Variants in JADE3 observed in about 807,000 individuals in gnomAD.
JADE3 encodes jade family PHD finger 3.
JADE3 carries 2 observed loss-of-function variants against 50.1 expected under a neutral mutation model. The observed-to-expected ratio is 0.04, with a 90% CI of 0.02 to 0.13. The LOEUF is 0.13. JADE3 is among the 10% of genes least tolerant of loss of function. The pLI is 1.00. For synonymous variants in JADE3, 218 were observed against 232.9 expected (o/e 0.94, Z 0.58); for missense variants, 475 against 634.4 (o/e 0.75, Z 2.70).
intron 6 of JADE3, among the ~76,000 whole-genome samples, chrX:47,031,743 T>C (rs1267212279): frequency 1.8e-5 from 2 of 111,007 alleles, no homozygotes; most frequent in Non-Finnish European, 1.9e-5. Flanking sequence ...CACATGCCTG[T>C]GCTCCTAGGT....
intron 7 of JADE3, among the ~76,000 whole-genome samples, chrX:47,035,771 G>C (rs56174836): frequency 0.059 from 6,549 of 110,257 alleles, 468 homozygotes; most frequent in African/African-American, 0.2. Flanking sequence ...CGGGGTGGGG[G>C]GAATGAAAAT....
At chrX:46,951,375 T>G (rs1250397320) in intron 1 of JADE3, among the ~76,000 whole-genome samples, 1 of 94,809 alleles carries the variant, frequency 1.1e-5, no homozygotes, top group Non-Finnish European at 2.1e-5. Flanking sequence ...TCACTTGAGG[T>G]CAGGAGTTCG....
chrX:47,005,221 A>T (rs1928385841), intron 4 of JADE3, among the ~76,000 whole-genome samples: 1 of 111,737 alleles, frequency 8.9e-6, no homozygotes, highest in Non-Finnish European at 1.9e-5. Flanking sequence ...GGGACCGCCT[A>T]TCAGACAGGA....
intron 1 of JADE3, among the ~76,000 whole-genome samples, chrX:46,913,507 A>G (rs1315854282): frequency 9.0e-6 from 1 of 111,081 alleles, no homozygotes; most frequent in Non-Finnish European, 1.9e-5. Context: ...ACTTTTCTCC[A>G]GCTTTCGAGT....
chrX:46,995,440 A>G (rs891827391), intron 3 of JADE3, among the ~76,000 whole-genome samples: 6 of 111,440 alleles, frequency 5.4e-5, no homozygotes, highest in African/African-American at 1.6e-4. Context: ...TAACTTTTCT[A>G]TAAGTCTCTC....
At chrX:46,959,509 A>G (rs1166614424) in intron 1 of JADE3, among the ~76,000 whole-genome samples, 1 of 111,720 alleles carries the variant, frequency 9.0e-6, no homozygotes, top group Non-Finnish European at 1.9e-5. Context: ...TTGAAGTGTC[A>G]ATGTGTAAGG....
At chrX:46,983,477 A>C (rs1039491740) in intron 1 of JADE3, among the ~76,000 whole-genome samples, 1 of 111,219 alleles carries the variant, frequency 9.0e-6, no homozygotes, top group Non-Finnish European at 1.9e-5. Flanking sequence ...AGGTGGAAGA[A>C]GGGAGCCCCC....
intron 4 of JADE3, among the ~76,000 whole-genome samples, chrX:47,000,542 G>A (rs1928256639): frequency 9.0e-6 from 1 of 111,362 alleles, no homozygotes; most frequent in Admixed American, 9.6e-5. Flanking sequence ...TTTAAGAACA[G>A]TAATTTATTT....
intron 1 of JADE3, among the ~76,000 whole-genome samples, chrX:46,941,166 A>G (rs1441675258): frequency 2.7e-5 from 3 of 110,381 alleles, no homozygotes; most frequent in African/African-American, 9.9e-5. Context: ...AGACGACAAC[A>G]TGCGGTATTT....
chrX:46,955,866 A>T (rs1393598760), intron 1 of JADE3, among the ~76,000 whole-genome samples: 3 of 111,245 alleles, frequency 2.7e-5, no homozygotes, highest in South Asian at 7.6e-4. Flanking sequence ...CTACTAAAAA[A>T]AATAAGACCA....
intron 1 of JADE3, among the ~76,000 whole-genome samples, chrX:46,948,269 G>A (rs1380145612): frequency 3.6e-5 from 4 of 112,086 alleles, no homozygotes; most frequent in African/African-American, 1.3e-4. Flanking sequence ...TCCCTATATA[G>A]GAAGGAGCAC....
chrX:46,990,182 G>A (rs1248716753), intron 3 of JADE3, among the ~76,000 whole-genome samples: 2 of 111,768 alleles, frequency 1.8e-5, no homozygotes, highest in Non-Finnish European at 3.8e-5. Context: ...GTGGATCTCA[G>A]TGTTGATGCC....
intron 1 of JADE3, among the ~76,000 whole-genome samples, chrX:46,925,772 C>T (rs1349268260): frequency 2.8e-5 from 3 of 106,145 alleles, no homozygotes; most frequent in Non-Finnish European, 5.8e-5. Flanking sequence ...TGCAGTGAGC[C>T]GAGATCACAG....
At chrX:46,950,338 C>T (rs1442356037) in intron 1 of JADE3, among the ~76,000 whole-genome samples, 1 of 112,385 alleles carries the variant, frequency 8.9e-6, no homozygotes, top group Non-Finnish European at 1.9e-5. Context: ...TACTAATCTA[C>T]TTTCTGCCAT....
intron 4 of JADE3, among the ~76,000 whole-genome samples, chrX:47,019,934 A>T (rs1196712037): frequency 8.9e-6 from 1 of 112,528 alleles, no homozygotes; most frequent in Admixed American, 9.4e-5. Flanking sequence ...ATTTACATGC[A>T]AGCATCCAAA....
intron 8 of JADE3, among the ~76,000 whole-genome samples, chrX:47,043,489 A>G (rs1227576141): frequency 3.5e-5 from 4 of 112,696 alleles, no homozygotes; most frequent in African/African-American, 1.3e-4. Context: ...GAAGGAATTC[A>G]GAATCCCATC....
chrX:47,003,664 ATATAT>A (rs1274302738), intron 4 of JADE3, among the ~76,000 whole-genome samples: 1 of 100,376 alleles, frequency 1.0e-5, no homozygotes, highest in East Asian at 2.9e-4. Flanking sequence ...TATATTAATT[ATATAT>A]TATAATTAAT....
intron 4 of JADE3, among the ~76,000 whole-genome samples, chrX:47,019,531 C>T (rs1344162767): frequency 1.8e-5 from 2 of 111,836 alleles, no homozygotes; most frequent in Admixed American, 9.4e-5. Context: ...ACTATAGGAA[C>T]ATACCACCAC....
intron 1 of JADE3, among the ~76,000 whole-genome samples, chrX:46,934,122 C>T (rs1926554758): frequency 9.0e-6 from 1 of 111,325 alleles, no homozygotes; most frequent in East Asian, 2.8e-4. Flanking sequence ...TGGTGTCATT[C>T]ACTAAGCAAG....
Sources: allele counts gnomAD v4.1 joint callset (sites outside exome capture counted in the v4.1 genomes callset), GRCh38; gene constraint gnomAD v4.1.1; transcripts MANE v1.5; gene names NCBI Gene and HGNC (gene_info 2026-07-23, HGNC 2026-07-21).